Variants in GRIK5 observed in about 807,000 individuals in gnomAD.
The protein encoded by GRIK5 is glutamate ionotropic receptor kainate type subunit 5.
GRIK5 carries 43 observed loss-of-function variants against 97.4 expected under a neutral mutation model. The observed-to-expected ratio is 0.44, with a 90% CI of 0.35 to 0.57. GRIK5 has a LOEUF of 0.57. Ranked by LOEUF, GRIK5 falls within the 20% of genes least tolerant of loss-of-function variation. The pLI is 0.01. For missense variants in GRIK5, 1,015 were observed against 1,382.0 expected, an observed-to-expected ratio of 0.73 and a Z score of 4.21; for synonymous variants, 580 against 583.5, an observed-to-expected ratio of 0.99 and a Z score of 0.09.
intron 6 of GRIK5, among the ~76,000 whole-genome samples, chr19:42,057,719 T>C (rs1218557016): frequency 2.6e-5 from 4 of 152,152 alleles, no homozygotes; most frequent in Admixed American, 2.0e-4. Flanking sequence ...AAGGTTGGGC[T>C]GCAAATGTGT....
chr19:42,063,396 T>G (rs947824458), intron 3 of GRIK5: 4 of 456,310 alleles, frequency 8.8e-6, no homozygotes, highest in Non-Finnish European at 1.8e-5. Context: ...CCAGTGCCTG[T>G]TCTCATGGCA....
chr19:42,004,019 A>C (rs966130031), intron 17 of GRIK5, among the ~76,000 whole-genome samples: 9 of 151,946 alleles, frequency 5.9e-5, no homozygotes, highest in Non-Finnish European at 1.5e-5. Flanking sequence ...CAAATTCATC[A>C]CACACAGTCC....
intron 11 of GRIK5, among the ~76,000 whole-genome samples, chr19:42,052,076 G>T (rs529236090): frequency 1.6e-4 from 25 of 152,292 alleles, no homozygotes; most frequent in African/African-American, 5.8e-4. Context: ...CTTCTAGAAT[G>T]TAAGGGCCAG....
rs201439530 is a variant in GRIK5, at chr19:42,021,329, G to C, written c.1843C>G (p.Leu615Val). 6.2e-7 allele frequency: 1 copy of C among 1,613,290 alleles called. No individual in the cohort carries two copies. The highest frequency in any genetic ancestry group is 2.2e-5 in the East Asian group (1 of 44,878). ...QQGSEIMPRA[L>V]STRCVSGVWW... ...ACTCCGCTGACACAGCGCGTGGACA[G>C]CGCCCGGGGCATGATCTCCGAGCCC... The change falls in exon 15 of 20, where the codon CTG (leucine) becomes GTG (valine). Residue 615 changes from leucine to valine, a missense_variant. Coordinates refer to ENST00000593562, the MANE Select transcript of GRIK5 (RefSeq NM_002088.5). This position sits in a 1 kb window ranked among gnomAD's most constrained non-coding sequence, Gnocchi z 4.2.
chr19:42,003,440 C>G lies in GRIK5; in HGVS notation c.2406G>C (p.Glu802Asp). Residue 802 changes from glutamate to aspartate, a missense_variant, in exon 19 of 20, where the codon GAG (glutamate) becomes GAC (aspartate). Physicochemically the swap from Glu to Asp is conservative, Grantham distance 45. This residue lies in a region of GRIK5 where 229 missense variants were observed against 341.0 expected (regional missense o/e 0.67). Coordinates refer to ENST00000593562, the MANE Select transcript of GRIK5 (RefSeq NM_002088.5). This position sits in a 1 kb window ranked among gnomAD's most constrained non-coding sequence, Gnocchi z 4.2. ...GCACGATAAAAATGCCACCAATGTTCTCCATGCCCAAACCTGGAGGGCGAA... is the reference window on the plus strand; with the variant it reads ...GCACGATAAAAATGCCACCAATGTTGTCCATGCCCAAACCTGGAGGGCGAA... ...EDHRAKGLGM[E>D]NIGGIFIVLI... 1 of 1,613,988 alleles carries G rather than the reference C, an allele frequency of 6.2e-7. No homozygotes were observed. Among genetic ancestry groups the G allele is most frequent in the Non-Finnish European group, 8.5e-7 (1 of 1,179,942 alleles).
intron 1 of GRIK5, among the ~76,000 whole-genome samples, chr19:42,066,757 G>T (rs529586010): frequency 2.0e-5 from 3 of 151,972 alleles, no homozygotes; most frequent in African/African-American, 7.2e-5. Flanking sequence ...GAGGAAAGAG[G>T]GGCAGGCTGG....
At chr19:42,025,146 C>T (rs548503535) in intron 12 of GRIK5, among the ~76,000 whole-genome samples, 2 of 152,116 alleles carry the variant, frequency 1.3e-5, no homozygotes, top group African/African-American at 2.4e-5. Flanking sequence ...TGAAACCTCA[C>T]GCAGTCAGAC....
Position 42,003,316 on chromosome 19 carries a change from CCCCCAG to C in GRIK5, c.2514+10_2514+15del, listed in dbSNP as rs782654446. ...GGGTCCCTGTTCCTGCCCACCCCCA[CCCCCAG>C]CCTCCTCACCTCCTCGGACTCAGCT... On this transcript the variant is annotated intron_variant, in intron 19 of 19. Coordinates refer to ENST00000593562, the MANE Select transcript of GRIK5 (RefSeq NM_002088.5). The surrounding 1 kb of genome is among the most constrained non-coding windows in gnomAD (Gnocchi z 4.2). 2.1e-5 allele frequency: 34 copies of C among 1,602,720 alleles called. No individual in the cohort carries two copies. The highest frequency in any genetic ancestry group is 2.9e-5 in the Non-Finnish European group (34 of 1,172,046).
At chr19:42,029,429 G>C (rs2075814548) in intron 12 of GRIK5, among the ~76,000 whole-genome samples, 2 of 149,928 alleles carry the variant, frequency 1.3e-5, no homozygotes, top group Admixed American at 1.3e-4. Flanking sequence ...CCAACATGGT[G>C]AAACCCCGTC....
chr19:42,048,378 T>C (rs1336161108), intron 11 of GRIK5, among the ~76,000 whole-genome samples: 1 of 152,126 alleles, frequency 6.6e-6, no homozygotes, highest in Non-Finnish European at 1.5e-5. Context: ...TCCCGGCACT[T>C]TGGGAGGCCG....
intron 15 of GRIK5, among the ~76,000 whole-genome samples, chr19:42,007,265 T>G (rs531891100): frequency 6.6e-6 from 1 of 152,052 alleles, no homozygotes; most frequent in South Asian, 2.1e-4. Context: ...CGGCTAATTT[T>G]TGTATTTTTA....
chr19:42,004,632 C>T (rs1555871917), intron 17 of GRIK5, among the ~76,000 whole-genome samples: 3 of 152,118 alleles, frequency 2.0e-5, no homozygotes, highest in African/African-American at 7.2e-5. Context: ...GAGATTTCTT[C>T]CTTTCTTTTG....
chr19:42,016,418 T>C (rs1448588747), intron 15 of GRIK5, among the ~76,000 whole-genome samples: 2 of 152,038 alleles, frequency 1.3e-5, no homozygotes, highest in Admixed American at 1.3e-4. Flanking sequence ...CAAAACTCCA[T>C]CTCAAAAATA....
intron 12 of GRIK5, among the ~76,000 whole-genome samples, chr19:42,029,212 C>T (rs112715412): frequency 2.0e-5 from 3 of 152,106 alleles, no homozygotes; most frequent in African/African-American, 4.8e-5. Context: ...GAACTACAGG[C>T]GTGTGCCACC....
chr19:42,013,887 G>GC (rs1349986098), intron 15 of GRIK5, among the ~76,000 whole-genome samples: 3 of 151,530 alleles, frequency 2.0e-5, no homozygotes, highest in African/African-American at 7.3e-5. Flanking sequence ...AATTTAGCCG[G>GC]GTGTGGCGTC....
chr19:42,015,884 C>T (rs956876763), intron 15 of GRIK5, among the ~76,000 whole-genome samples: 1 of 152,158 alleles, frequency 6.6e-6, no homozygotes, highest in South Asian at 2.1e-4. Flanking sequence ...GACCTCCCAC[C>T]CTCACATTCC....
In GRIK5 at chr19:42,022,389, G is replaced by C; in HGVS notation, c.1474-35C>G. The C allele has an allele frequency of 6.4e-7, 1 of 1,574,030 alleles. No individual in the cohort carries two copies. The highest frequency in any genetic ancestry group is 8.7e-7 in the Non-Finnish European group (1 of 1,147,144). On this transcript the variant is annotated intron_variant, in intron 12 of 19. Coordinates refer to ENST00000593562, the MANE Select transcript of GRIK5 (RefSeq NM_002088.5). This position sits in a 1 kb window ranked among gnomAD's most constrained non-coding sequence, Gnocchi z 4.2. ...GGGAAGCCGGGCAGGGGTGGAGGGGGACAGAGGGGAAGACAGAAGTGGACA... is the reference window on the plus strand; with the variant it reads ...GGGAAGCCGGGCAGGGGTGGAGGGGCACAGAGGGGAAGACAGAAGTGGACA...
chr19:42,046,696 C>A (rs2076047258), intron 11 of GRIK5, among the ~76,000 whole-genome samples: 1 of 152,104 alleles, frequency 6.6e-6, no homozygotes, highest in Non-Finnish European at 1.5e-5. Flanking sequence ...GTACAATATG[C>A]TACTCTTTGT....
chr19:42,059,266 G>T, intron 6 of GRIK5, 83 bp downstream of exon 6: 1 of 1,053,742 alleles, frequency 9.5e-7, no homozygotes, highest in Non-Finnish European at 1.4e-6. Flanking sequence ...TGACTCCTGA[G>T]GCCCATGGGC....
Sources: allele counts gnomAD v4.1 joint callset (sites outside exome capture counted in the v4.1 genomes callset), GRCh38; gene constraint gnomAD v4.1.1; regional missense constraint gnomAD v4.1.1; non-coding constraint Gnocchi (gnomAD v3.1); transcripts MANE v1.5; gene names NCBI Gene and HGNC (gene_info 2026-07-23, HGNC 2026-07-21).